WDR47: variants seen among roughly 807,000 people sequenced by gnomAD.
WDR47 encodes the protein WD repeat-containing protein 47.
In WDR47, 32 loss-of-function variants were observed where a neutral mutation model predicts 97.2. That is an observed-to-expected ratio of 0.33 (90% CI 0.25 to 0.44). The LOEUF is 0.44. Ranked by LOEUF, WDR47 falls within the 20% of genes least tolerant of loss-of-function variation. WDR47 has a pLI of 1.00. For synonymous variants in WDR47, 375 were observed against 373.5 expected (o/e 1.00, Z -0.05); for missense variants, 782 against 1,102.3 (o/e 0.71, Z 4.11).
At chr1:109,013,756 G>A (rs943172651) in intron 4 of WDR47, 85 bp downstream of exon 4, 2 of 1,417,132 alleles carry the variant, frequency 1.4e-6, no homozygotes, top group African/African-American at 2.9e-5. Flanking sequence ...GAAAACTTGT[G>A]ATGCTAATCC....
intron 1 of WDR47, among the ~76,000 whole-genome samples, chr1:109,035,341 T>C (rs1021881367): frequency 6.6e-6 from 1 of 151,412 alleles, no homozygotes; most frequent in Non-Finnish European, 1.5e-5. Context: ...AGGCATGGGA[T>C]TGGGATGGAG....
At chr1:108,985,928 C>T (rs1658755255) in intron 10 of WDR47, among the ~76,000 whole-genome samples, 1 of 150,210 alleles carries the variant, frequency 6.7e-6, no homozygotes, top group Non-Finnish European at 1.5e-5. Context: ...TCATTAAATG[C>T]TACCACAGTC....
At chr1:109,013,239 AACTTCTATTGTTTACTAGCCCCC>A (rs1661175410) in intron 4 of WDR47, among the ~76,000 whole-genome samples, 1 of 152,278 alleles carries the variant, frequency 6.6e-6, no homozygotes, top group African/African-American at 2.4e-5. Context: ...GTAAGAAATA[AACTTCTATTGTTTACTAGCCCCC>A]TAGTTTATGA....
intron 8 of WDR47, among the ~76,000 whole-genome samples, chr1:108,993,692 G>A (rs1374642568): frequency 3.3e-5 from 5 of 152,180 alleles, no homozygotes; most frequent in South Asian, 2.1e-4. Context: ...TGAAGCAGGA[G>A]TGATCCTGGA....
chr1:109,035,056 GCAACATGGCGAAA>G (rs1662837801), intron 1 of WDR47, among the ~76,000 whole-genome samples: 1 of 150,614 alleles, frequency 6.6e-6, no homozygotes, highest in Admixed American at 6.7e-5. Flanking sequence ...GGAGTTCAAG[GCAACATGGCGAAA>G]CCCTGTCTCT....
intron 14 of WDR47, 78 bp from the exon 15 acceptor site, chr1:108,971,650 A>G (rs1657462243): frequency 6.7e-7 from 1 of 1,493,166 alleles, no homozygotes; most frequent in Non-Finnish European, 9.1e-7. Context: ...TGTTACTTTA[A>G]GACATTACAG....
chr1:109,033,052 T>C (rs192501529), intron 1 of WDR47, among the ~76,000 whole-genome samples: 116 of 151,936 alleles, frequency 7.6e-4, no homozygotes, highest in African/African-American at 2.6e-3. Flanking sequence ...TCCCAGCACA[T>C]TGGGAGGCCA....
chr1:108,988,904 T>G lies in WDR47; in HGVS notation c.1768-2224A>C, dbSNP rs187971120. On this transcript the variant is annotated intron_variant, in intron 9 of 14. Coordinates refer to ENST00000369962, the MANE Select transcript of WDR47 (RefSeq NM_001142551.2). ...TCCCAAGTAGCTGGGATTATAGGCATGCACCACCACACCCGGCTAATTTTT... is the reference window on the plus strand; with the variant it reads ...TCCCAAGTAGCTGGGATTATAGGCAGGCACCACCACACCCGGCTAATTTTT... Among the ~76,000 whole-genome samples the G allele has an allele frequency of 3.9e-4, 60 of 151,996 alleles. No individual in the cohort carries two copies. The East Asian group carries it at 0.011, about 29-fold the overall frequency.
At chr1:109,029,859 G>C (rs1662492188) in intron 1 of WDR47, among the ~76,000 whole-genome samples, 1 of 146,192 alleles carries the variant, frequency 6.8e-6, no homozygotes, top group African/African-American at 2.5e-5. Context: ...CTGGGCAACA[G>C]AGAAAGACTT....
intron 1 of WDR47, among the ~76,000 whole-genome samples, chr1:109,026,281 G>A (rs1048406705): frequency 4.0e-5 from 6 of 151,756 alleles, no homozygotes; most frequent in African/African-American, 1.5e-4. Context: ...GAACTCCTGG[G>A]CTCAAGCAAT....
chr1:109,019,368 G>C (rs1661649907), intron 2 of WDR47, among the ~76,000 whole-genome samples: 1 of 140,744 alleles, frequency 7.1e-6, no homozygotes, highest in Non-Finnish European at 1.5e-5. Context: ...GGGCGACAGA[G>C]TGAGACTCTG....
Position 109,013,935 on chromosome 1 carries a change from A to C in WDR47, c.243-10T>G. The C allele has an allele frequency of 6.3e-7, 1 of 1,594,068 alleles. No individual in the cohort carries two copies. On this transcript the variant is annotated splice_polypyrimidine_tract_variant and intron_variant, in intron 3 of 14. Coordinates refer to ENST00000369962, the MANE Select transcript of WDR47 (RefSeq NM_001142551.2). Reference sequence around the variant, plus strand: ...GATAATATAACGAAACCTGTGGGAAAAAAATGAAGCATTAATTTTTCCAAT... The same window carrying C: ...GATAATATAACGAAACCTGTGGGAACAAAATGAAGCATTAATTTTTCCAAT...
chr1:109,031,459 TAAG>T lies in WDR47; in HGVS notation c.-9-7941_-9-7939del, dbSNP rs1425933717. On this transcript the variant is annotated intron_variant, in intron 1 of 14. Coordinates refer to ENST00000369962, the MANE Select transcript of WDR47 (RefSeq NM_001142551.2). Reference sequence around the variant, plus strand: ...GTTGTATCCTAGAAGGAAAACTAGATAAGAATAGAAATGGAATCTGTACAACAA... The same window carrying T: ...GTTGTATCCTAGAAGGAAAACTAGATAATAGAAATGGAATCTGTACAACAA... Among the ~76,000 whole-genome samples, 3 of 139,446 alleles carry T rather than the reference TAAG, an allele frequency of 2.2e-5. 1 individual carries two copies. The highest frequency in any genetic ancestry group is 4.8e-5 in the Non-Finnish European group (3 of 62,742). The allele number at this position is 139,446 out of a possible 152,430, so 91.5% of individuals were successfully genotyped here.
chr1:109,001,097 G>A (rs1295375803), intron 7 of WDR47, among the ~76,000 whole-genome samples: 1 of 152,126 alleles, frequency 6.6e-6, no homozygotes, highest in African/African-American at 2.4e-5. Flanking sequence ...AGACTAGCCT[G>A]GCCAACACAA....
At chr1:108,986,427 T>C (rs1025792676) in intron 10 of WDR47, 96 bp downstream of exon 10, 48 of 1,107,858 alleles carry the variant, frequency 4.3e-5, no homozygotes, top group Non-Finnish European at 5.8e-5. Context: ...GAAAGTAAGA[T>C]TTGAAACACT....
At chr1:109,023,251 C>T (rs1661978954) in intron 2 of WDR47, 104 bp downstream of exon 2, 1 of 1,081,814 alleles carries the variant, frequency 9.2e-7, no homozygotes. Flanking sequence ...CTTACATAGC[C>T]TTTTCATGAT....
chr1:109,017,591 G>GTAT lies in WDR47; in HGVS notation c.166_168dup (p.Ile56dup), dbSNP rs765336207. 10 of 1,607,616 alleles carry GTAT rather than the reference G, an allele frequency of 6.2e-6. No homozygotes were observed. The Admixed American group carries it at 1.6e-4, about 25-fold the overall frequency. Reference sequence around the variant, plus strand: ...AGAACTTCATCCCATTGACCATCAAGTATTAGCTGCCTAAATAAAAAATTT... The same window carrying GTAT: ...AGAACTTCATCCCATTGACCATCAAGTATTATTAGCTGCCTAAATAAAAAATTT... On this transcript the variant is annotated inframe_insertion, in exon 3 of 15. Transcript: ENST00000369962.
chr1:108,991,219 T>C (rs374648649), intron 9 of WDR47, 35 bp downstream of exon 9: 4 of 1,581,326 alleles, frequency 2.5e-6, no homozygotes, highest in Non-Finnish European at 3.4e-6. Flanking sequence ...CAGGTGCATA[T>C]GAAAACAATA....
intron 3 of WDR47, 89 bp downstream of exon 3, chr1:109,017,429 A>G: frequency 9.1e-7 from 1 of 1,103,210 alleles, no homozygotes; most frequent in Non-Finnish European, 1.4e-6. Flanking sequence ...GCCAGTGGAG[A>G]AAGAAAAATG....
Sources: allele counts gnomAD v4.1 joint callset (sites outside exome capture counted in the v4.1 genomes callset), GRCh38; gene constraint gnomAD v4.1.1; transcripts MANE v1.5; gene names NCBI Gene and HGNC (gene_info 2026-07-23, HGNC 2026-07-21).